Variants in TSNARE1 observed in about 807,000 individuals in gnomAD.
The protein encoded by TSNARE1 is t-SNARE domain containing 1.
TSNARE1 carries 49 observed loss-of-function variants against 62.0 expected under a neutral mutation model. The observed-to-expected ratio is 0.79, with a 90% confidence interval of 0.63 to 1.00. The LOEUF (loss-of-function observed/expected upper bound fraction) is 1.00. Ranked by LOEUF, TSNARE1 falls within the 50% of genes least tolerant of loss-of-function variation. TSNARE1 has a pLI of 0.00. For missense variants in TSNARE1, 755 were observed against 700.1 expected (o/e 1.08, Z -0.88); for synonymous variants, 328 against 294.4 (o/e 1.11, Z -1.17).
intron 9 of TSNARE1, among the ~76,000 whole-genome samples, chr8:142,310,862 T>A (rs1205695260): frequency 6.6e-6 from 1 of 152,204 alleles, no homozygotes; most frequent in Non-Finnish European, 1.5e-5. Flanking sequence ...TTTTGTTTTT[T>A]CTTTTTTGAG....
intron 12 of TSNARE1, among the ~76,000 whole-genome samples, chr8:142,259,655 G>A (rs1199401164): frequency 2.6e-5 from 4 of 152,044 alleles, no homozygotes; most frequent in African/African-American, 7.2e-5. Context: ...AGCCTCCTTC[G>A]CCCCGGACAC....
chr8:142,290,792 G>C (rs571120117), intron 10 of TSNARE1, among the ~76,000 whole-genome samples: 2 of 152,192 alleles, frequency 1.3e-5, no homozygotes, highest in Non-Finnish European at 2.9e-5. Context: ...GGCCATCTCC[G>C]CATCCCATCC....
chr8:142,236,377 C>A (rs1000081183), intron 12 of TSNARE1, among the ~76,000 whole-genome samples: 1 of 151,918 alleles, frequency 6.6e-6, no homozygotes, highest in Admixed American at 6.5e-5. Flanking sequence ...CAGGGCTGAG[C>A]CCAGGACTGG....
At chr8:142,392,798 G>A (rs1837627851) in intron 1 of TSNARE1, among the ~76,000 whole-genome samples, 1 of 152,006 alleles carries the variant, frequency 6.6e-6, no homozygotes, top group African/African-American at 2.4e-5. Context: ...AAATTAGCCG[G>A]GCATGGTGAC....
At chr8:142,266,904 G>C (rs1270353923) in intron 12 of TSNARE1, among the ~76,000 whole-genome samples, 1 of 152,030 alleles carries the variant, frequency 6.6e-6, no homozygotes, top group Non-Finnish European at 1.5e-5. Context: ...TATTTCTTTA[G>C]AAATCTTCGA....
chr8:142,318,079 T>G (rs1199282756), intron 7 of TSNARE1, among the ~76,000 whole-genome samples: 1 of 152,200 alleles, frequency 6.6e-6, no homozygotes, highest in Non-Finnish European at 1.5e-5. Context: ...CACGGCCATA[T>G]GTCTGGCTTG....
chr8:142,344,547 C>T lies in TSNARE1; in HGVS notation c.239-75G>A, dbSNP rs906516742. 19 of 1,391,530 alleles carry T rather than the reference C, an allele frequency of 1.4e-5. No individual in the cohort carries two copies. The East Asian group carries it at 2.9e-4, about 22-fold the overall frequency. 86.2% of individuals were successfully genotyped at this position (1,391,530 alleles called of 1,614,324 possible). On this transcript the variant is annotated intron_variant, in intron 3 of 13. Coordinates refer to ENST00000524325, the MANE Select transcript of TSNARE1 (RefSeq NM_145003.5). The stretch of plus-strand genomic sequence containing the variant: ...CAGCGGCCCCGGCGGCAGCTCCCTA[C>T]GGCGCCTCCTCTCTGGTTTCTGCTT...
At position 142,292,717 on chromosome 8, in the gene TSNARE1, C is replaced by T. The variant is rs149106823; in HGVS notation, c.1290+7769G>A. The stretch of plus-strand genomic sequence containing the variant: ...AAATCACAGGAAGACTGTCCCGAGC[C>T]CCCAGAACGCCACCTAAGCCCCAAA... On this transcript the variant is annotated intron_variant, in intron 10 of 13. Transcript: ENST00000524325. 5.1e-4 allele frequency among the ~76,000 whole-genome samples: 78 copies of T among 152,238 alleles called. 1 individual carries two copies. The East Asian group carries it at 0.015, about 28-fold the overall frequency.
At chr8:142,318,502 C>T (rs1241460723) in intron 7 of TSNARE1, 42 bp downstream of exon 7, 1 of 1,576,380 alleles carries the variant, frequency 6.3e-7, no homozygotes, top group Admixed American at 1.7e-5. Context: ...CAGAGGGGTC[C>T]ATTCCTCTCC....
At chr8:142,366,579 C>A (rs1835564572) in intron 1 of TSNARE1, among the ~76,000 whole-genome samples, 1 of 152,170 alleles carries the variant, frequency 6.6e-6, no homozygotes, top group South Asian at 2.1e-4. Context: ...TTAAAAACAG[C>A]ATCAACAGAG....
intron 1 of TSNARE1, 22 bp from the exon 2 acceptor site, chr8:142,354,785 G>T: frequency 7.6e-7 from 1 of 1,315,768 alleles, no homozygotes; most frequent in Non-Finnish European, 1.1e-6. Flanking sequence ...ACGAAAAGCA[G>T]GGGGAAGAGG....
chr8:142,286,335 C>T (rs1206915154), intron 10 of TSNARE1, among the ~76,000 whole-genome samples: 1 of 152,238 alleles, frequency 6.6e-6, no homozygotes, highest in Non-Finnish European at 1.5e-5. Flanking sequence ...TTTCACCCCA[C>T]TGCAAAATGT....
chr8:142,320,107 T>G (rs1829256418), intron 6 of TSNARE1, among the ~76,000 whole-genome samples: 1 of 151,910 alleles, frequency 6.6e-6, no homozygotes, highest in African/African-American at 2.4e-5. Context: ...CCTGTCCCTC[T>G]CCCTGGGCTG....
chr8:142,323,224 C>CT (rs575954026), intron 6 of TSNARE1, among the ~76,000 whole-genome samples: 1 of 151,984 alleles, frequency 6.6e-6, no homozygotes, highest in Non-Finnish European at 1.5e-5. Flanking sequence ...TTATAGAAAG[C>CT]TTTTTTTTAA....
At chr8:142,262,838 A>G (rs866334785) in intron 12 of TSNARE1, among the ~76,000 whole-genome samples, 3 of 152,180 alleles carry the variant, frequency 2.0e-5, no homozygotes, top group Non-Finnish European at 4.4e-5. Flanking sequence ...TCTTTTCTTT[A>G]TAAATTACCC....
At chr8:142,280,156 A>G in intron 11 of TSNARE1, 1 of 985,344 alleles carries the variant, frequency 1.0e-6, no homozygotes, top group Non-Finnish European at 1.2e-6. Context: ...CACCCTCTGC[A>G]CCAGCACCTC....
intron 1 of TSNARE1, among the ~76,000 whole-genome samples, chr8:142,367,497 A>G (rs944931464): frequency 6.9e-6 from 1 of 145,078 alleles, no homozygotes; most frequent in African/African-American, 2.5e-5. Flanking sequence ...CAGAAACAGA[A>G]AGCAGACAGA....
At chr8:142,279,900 G>A (rs539344001) in intron 11 of TSNARE1, 6 of 1,038,122 alleles carry the variant, frequency 5.8e-6, no homozygotes, top group Admixed American at 6.0e-5. Flanking sequence ...CTTGGGGACC[G>A]TGGGCAGAAA....
At chr8:142,315,231 G>A (rs576568813) in intron 7 of TSNARE1, 139 bp from the exon 8 acceptor site, 35 of 825,974 alleles carry the variant, frequency 4.2e-5, no homozygotes, top group South Asian at 1.6e-4. Context: ...CTTCCCCTCC[G>A]TGTCACCGTC....
Sources: allele counts gnomAD v4.1 joint callset (sites outside exome capture counted in the v4.1 genomes callset), GRCh38; gene constraint gnomAD v4.1.1; transcripts MANE v1.5; gene names NCBI Gene and HGNC (gene_info 2026-07-23, HGNC 2026-07-21).